Variants in C13orf46 observed in about 807,000 individuals in gnomAD.
C13orf46 encodes the protein chromosome 13 open reading frame 46.
At chr13:113,946,958 G>A in the C13orf46 span, among the ~76,000 whole-genome samples, 6 of 152,258 alleles carry the variant, frequency 3.9e-5, no homozygotes, top group African/African-American at 7.2e-5. Flanking sequence ...TGCGTGGGCC[G>A]AAGGCACCCG....
the C13orf46 span, among the ~76,000 whole-genome samples, chr13:113,934,744 A>G: frequency 6.6e-6 from 1 of 152,202 alleles, no homozygotes; most frequent in Non-Finnish European, 1.5e-5. Context: ...ACCAGACCTG[A>G]GCGTGTCGCT....
At chr13:113,944,478 T>A in the C13orf46 span, among the ~76,000 whole-genome samples, 2 of 152,224 alleles carry the variant, frequency 1.3e-5, no homozygotes, top group East Asian at 3.8e-4. Context: ...CTTGGAAATG[T>A]TCCCCTTGCG....
intron 5 of C13orf46, among the ~76,000 whole-genome samples, chr13:113,966,295 T>C (rs1004756274): frequency 2.0e-5 from 3 of 151,092 alleles, no homozygotes; most frequent in East Asian, 3.9e-4. Context: ...ATGGTCATGA[T>C]AGTGATGGTG....
the C13orf46 span, among the ~76,000 whole-genome samples, chr13:113,939,378 G>A: frequency 1.3e-5 from 2 of 148,458 alleles, no homozygotes; most frequent in African/African-American, 5.1e-5. Context: ...CAGACCACCC[G>A]ATGGGGAGGA....
Position 113,953,841 on chromosome 13 carries a change from C to G in C13orf46, c.*2932G>C, listed in dbSNP as rs1202450367. On this transcript the variant is annotated 3_prime_UTR_variant, in exon 7 of 7. Transcript: ENST00000636427. ...TCTCTGGGTGCCTTTCTGGTTGGCA[C>G]AGTTGGAGGCCGCAACTGAGTCACA... The G allele has an allele frequency of 6.6e-6, 1 of 152,248 alleles. No homozygotes were observed. 9.4% of individuals were successfully genotyped at this position (152,248 alleles called of 1,614,324 possible).
At chr13:113,971,141 G>A (rs764043309) in intron 1 of C13orf46, among the ~76,000 whole-genome samples, 12 of 152,200 alleles carry the variant, frequency 7.9e-5, no homozygotes, top group Non-Finnish European at 1.5e-4. Context: ...CATCGGAGCC[G>A]GGAATGTTTG....
intron 6 of C13orf46, among the ~76,000 whole-genome samples, chr13:113,959,072 T>C (rs1173063900): frequency 6.6e-6 from 1 of 151,538 alleles, no homozygotes; most frequent in Non-Finnish European, 1.5e-5. Context: ...AGCTCAGGAG[T>C]TAAAGACCAG....
At chr13:113,964,428 C>G (rs2052617605) in intron 6 of C13orf46, among the ~76,000 whole-genome samples, 1 of 152,230 alleles carries the variant, frequency 6.6e-6, no homozygotes, top group Admixed American at 6.5e-5. Flanking sequence ...CGGATCATCT[C>G]TTCGGAGGCT....
chr13:113,930,384 G>A, the C13orf46 span, among the ~76,000 whole-genome samples: 410 of 104,014 alleles, frequency 3.9e-3, no homozygotes, highest in Non-Finnish European at 5.6e-3. Context: ...CGAGGCGGGG[G>A]CGCAGGAGCA....
rs538953613 is a variant in C13orf46 at position 113,971,600 on chromosome 13, C to T, written c.191-1378G>A. On this transcript the variant is annotated intron_variant, in intron 1 of 6. Transcript: ENST00000636427. Reference sequence around the variant, plus strand: ...CGCTGGTCTCCTGTGCTCCGCATGGCCCAGGCCCAGACACACCCCACTGGT... The same window carrying T: ...CGCTGGTCTCCTGTGCTCCGCATGGTCCAGGCCCAGACACACCCCACTGGT... Among the ~76,000 whole-genome samples the T allele has an allele frequency of 4.6e-5, 7 of 152,332 alleles. No individual in the cohort carries two copies. In the South Asian group the frequency reaches 1.2e-3, roughly 27 times the overall value.
chr13:113,927,133 C>G, the C13orf46 span: 2 of 161,438 alleles, frequency 1.2e-5, no homozygotes, highest in African/African-American at 2.4e-5. Context: ...AAGTTCTGTC[C>G]GACAAAATAC....
chr13:113,945,601 GAAAGA>G, the C13orf46 span, among the ~76,000 whole-genome samples: 518 of 113,762 alleles, frequency 4.6e-3, 2 homozygotes, highest in Middle Eastern at 0.022. Flanking sequence ...GAGAAAGAAA[GAAAGA>G]AGAAAGAAAG....
chr13:113,955,148 A>G lies in C13orf46; in HGVS notation c.*1625T>C. The G allele has an allele frequency of 4.5e-6, 1 of 224,520 alleles. No homozygotes were observed. The highest frequency in any genetic ancestry group is 8.6e-6 in the Non-Finnish European group (1 of 116,296). 13.9% of individuals were successfully genotyped at this position (224,520 alleles called of 1,614,324 possible). A position where few individuals can be genotyped will look rare whatever the true frequency, so the allele number is the denominator to read the frequency against. ...TGGAGACGAGGAGCATCCGGTGGAG[A>G]TGAGGAGCATCTCGAGGAGAGGAGG... On this transcript the variant is annotated 3_prime_UTR_variant, in exon 7 of 7. Coordinates refer to ENST00000636427, the MANE Select transcript of C13orf46 (RefSeq NM_001365455.2).
the C13orf46 span, among the ~76,000 whole-genome samples, chr13:113,933,334 A>G: frequency 2.6e-5 from 4 of 152,234 alleles, no homozygotes; most frequent in African/African-American, 4.8e-5. Context: ...GCCATAAATG[A>G]GTAGTGGCCA....
intron 2 of C13orf46, among the ~76,000 whole-genome samples, chr13:113,969,796 C>A (rs1056175569): frequency 6.6e-6 from 1 of 152,254 alleles, no homozygotes; most frequent in African/African-American, 2.4e-5. Context: ...AAGGAGCACT[C>A]GAGTTGTTTA....
chr13:113,929,968 A>G, the C13orf46 span, among the ~76,000 whole-genome samples: 1 of 152,264 alleles, frequency 6.6e-6, no homozygotes, highest in Admixed American at 6.5e-5. Context: ...TGGGAGCAGC[A>G]GCCAAAAAGT....
At chr13:113,943,894 G>A in the C13orf46 span, among the ~76,000 whole-genome samples, 258 of 152,262 alleles carry the variant, frequency 1.7e-3, 3 homozygotes, top group Middle Eastern at 3.4e-3. Flanking sequence ...CACCCGGCTG[G>A]CACATCTCCA....
Position 113,955,843 on chromosome 13 carries a change from C to CTCGAGGAGAGGAGGAGCATT in C13orf46, c.*929_*930insAATGCTCCTCCTCTCCTCGA, listed in dbSNP as rs2052525400. 1 of 156,214 alleles carries CTCGAGGAGAGGAGGAGCATT rather than the reference C, an allele frequency of 6.4e-6. No individual in the cohort carries two copies. The highest frequency in any genetic ancestry group is 2.7e-5 in the African/African-American group (1 of 37,622). The allele number at this position is 156,214 out of a possible 1,614,324, so 9.7% of individuals were successfully genotyped here. A position where few individuals can be genotyped will look rare whatever the true frequency, so the allele number is the denominator to read the frequency against. ...AGCAGCCGGTGGAGACGAGGAGCAT[C>CTCGAGGAGAGGAGGAGCATT]TCGAGGAGAGGAGGAGCATCTCGAG... On this transcript the variant is annotated 3_prime_UTR_variant, in exon 7 of 7. Transcript: ENST00000636427.
At chr13:113,936,586 A>G in the C13orf46 span, among the ~76,000 whole-genome samples, 1 of 152,196 alleles carries the variant, frequency 6.6e-6, no homozygotes, top group Admixed American at 6.5e-5. Context: ...ACACACGCAG[A>G]GCCGGCTAAA....
Sources: allele counts gnomAD v4.1 joint callset (sites outside exome capture counted in the v4.1 genomes callset), GRCh38; gene constraint gnomAD v4.1.1; transcripts MANE v1.5; gene names NCBI Gene and HGNC (gene_info 2026-07-23, HGNC 2026-07-21).